Variants in AKAP6 observed in about 807,000 individuals in gnomAD.
The protein encoded by AKAP6 is A-kinase anchor protein 6.
A neutral mutation model predicts 188.5 loss-of-function variants in AKAP6; 58 were observed. That is an observed-to-expected ratio of 0.31 (90% CI 0.25 to 0.38). The LOEUF is 0.38. Among genes scored for constraint, AKAP6 ranks in the 10% least tolerant of loss-of-function variants. The probability of loss-of-function intolerance (pLI) is 1.00; values close to 1 mark genes in which losing one functional copy is unlikely to be tolerated. For synonymous variants in AKAP6, 989 were observed against 998.6 expected (o/e 0.99, Z 0.18); for missense variants, 2,710 against 2,740.0 (o/e 0.99, Z 0.24).
chr14:32,357,038 T>C (rs975794603), intron 1 of AKAP6, among the ~76,000 whole-genome samples: 1 of 152,210 alleles, frequency 6.6e-6, no homozygotes, highest in Non-Finnish European at 1.5e-5. Context: ...ATAAAATTCT[T>C]GAGGAAAAGG....
At chr14:32,339,646 T>C (rs1481273698) in intron 1 of AKAP6, among the ~76,000 whole-genome samples, 1 of 152,104 alleles carries the variant, frequency 6.6e-6, no homozygotes, top group Admixed American at 6.6e-5. Context: ...CTCAGATTGA[T>C]GGATTGGTGG....
At chr14:32,756,830 C>A (rs1383133034) in intron 11 of AKAP6, among the ~76,000 whole-genome samples, 3 of 152,114 alleles carry the variant, frequency 2.0e-5, no homozygotes, top group African/African-American at 7.2e-5. Flanking sequence ...GAGACTGGGA[C>A]AGTGGATAGC....
At chr14:32,433,333 A>T (rs1478122393) in intron 1 of AKAP6, 127 bp from the exon 2 acceptor site, 1 of 680,770 alleles carries the variant, frequency 1.5e-6, no homozygotes, top group Non-Finnish European at 2.4e-6. Flanking sequence ...TGTTTTTGTT[A>T]TGAGCTATGG....
At chr14:32,726,409 C>T (rs2030876481) in intron 9 of AKAP6, among the ~76,000 whole-genome samples, 1 of 152,186 alleles carries the variant, frequency 6.6e-6, no homozygotes, top group African/African-American at 2.4e-5. Flanking sequence ...CATTAGGTGT[C>T]AGGACATCAT....
intron 9 of AKAP6, among the ~76,000 whole-genome samples, chr14:32,722,913 C>T (rs909554760): frequency 6.6e-6 from 1 of 152,198 alleles, no homozygotes; most frequent in African/African-American, 2.4e-5. Context: ...TTAACACCAT[C>T]CATGGATGGC....
At chr14:32,787,400 C>G (rs1466968651) in intron 12 of AKAP6, among the ~76,000 whole-genome samples, 1 of 152,170 alleles carries the variant, frequency 6.6e-6, no homozygotes, top group African/African-American at 2.4e-5. Context: ...TGTACCTCGC[C>G]ATTGTAACTT....
intron 11 of AKAP6, among the ~76,000 whole-genome samples, chr14:32,762,321 T>A (rs1033357422): frequency 1.3e-5 from 2 of 152,158 alleles, no homozygotes; most frequent in African/African-American, 4.8e-5. Context: ...TAGAGTAACT[T>A]AATCTTCATA....
chr14:32,562,200 CT>C (rs1320236292), intron 4 of AKAP6, among the ~76,000 whole-genome samples: 1 of 151,796 alleles, frequency 6.6e-6, no homozygotes, highest in Non-Finnish European at 1.5e-5. Context: ...GTTGTATTTT[CT>C]TTTTTTAATG....
intron 7 of AKAP6, among the ~76,000 whole-genome samples, chr14:32,612,594 C>T (rs577470036): frequency 1.3e-5 from 2 of 152,126 alleles, no homozygotes; most frequent in East Asian, 1.9e-4. Context: ...TTTAGAAGAA[C>T]CATTTCACCT....
At position 32,836,975 on chromosome 14, in the gene AKAP6, G is replaced by A. The variant is rs943584927; in HGVS notation, c.*7170G>A. The A allele has an allele frequency of 6.6e-6, 1 of 152,188 alleles. No individual in the cohort carries two copies. Among genetic ancestry groups the A allele is most frequent in the Non-Finnish European group, 1.5e-5 (1 of 68,040 alleles). 9.4% of individuals were successfully genotyped at this position (152,188 alleles called of 1,614,324 possible). On this transcript the variant is annotated 3_prime_UTR_variant, in exon 14 of 14. Transcript: ENST00000280979. Reference sequence around the variant, plus strand: ...AATAGCCAGTCCTGATGACTTGGTCGAGGTAACTTGCTTTGCCCACTGTTA... The same window carrying A: ...AATAGCCAGTCCTGATGACTTGGTCAAGGTAACTTGCTTTGCCCACTGTTA...
chr14:32,522,686 A>G (rs536113003), intron 2 of AKAP6, among the ~76,000 whole-genome samples: 1 of 152,328 alleles, frequency 6.6e-6, no homozygotes, highest in African/African-American at 2.4e-5. Flanking sequence ...GAAGTCAGGA[A>G]ACAACAGGTG....
chr14:32,478,828 G>A lies in AKAP6; in HGVS notation c.324+45011G>A, dbSNP rs544412848. On this transcript the variant is annotated intron_variant, in intron 2 of 13. Transcript: ENST00000280979. ...GGTTAGTGTGAGATAGGAAATGGAA[G>A]AGAAGCATAAACAGGATCCCTTGGT... 2.6e-5 allele frequency among the ~76,000 whole-genome samples: 4 copies of A among 152,324 alleles called. No homozygotes were observed. In the East Asian group the frequency reaches 5.8e-4, roughly 22 times the overall value.
chr14:32,454,765 CTCCTTCCCTCCTTCCCTCCCTCCCTCCT>C (rs1566512424), intron 2 of AKAP6, among the ~76,000 whole-genome samples: 2 of 16,512 alleles, frequency 1.2e-4, no homozygotes, highest in Non-Finnish European at 2.0e-4. Flanking sequence ...CCCTCCCTCC[CTCCTTCCCTCCTTCCCTCCCTCCCTCCT>C]TCCCTCCCTC....
At chr14:32,436,724 C>T (rs1304279203) in intron 2 of AKAP6, among the ~76,000 whole-genome samples, 1 of 152,046 alleles carries the variant, frequency 6.6e-6, no homozygotes, top group Non-Finnish European at 1.5e-5. Flanking sequence ...ATTGCTTGAG[C>T]CCAGGAGTTT....
At position 32,821,586 on chromosome 14, in the gene AKAP6, A is replaced by G; in HGVS notation, c.3773A>G (p.Asp1258Gly). The change falls in exon 13 of 14, where the codon GAC becomes GGC. Residue 1258 changes from aspartate to glycine, a missense_variant. Transcript: ENST00000280979. ...AAGCTTGGAGAGACAAGTAATGAGG[A>G]CCCTGGTTATGACGAGGAGGCTGAT... ...SLKLGETSNE[D>G]PGYDEEADNH... The G allele has an allele frequency of 1.2e-6, 2 of 1,613,566 alleles. No homozygotes were observed.
At chr14:32,635,084 C>G (rs1313142322) in intron 7 of AKAP6, among the ~76,000 whole-genome samples, 1 of 151,892 alleles carries the variant, frequency 6.6e-6, no homozygotes, top group Non-Finnish European at 1.5e-5. Context: ...TCATTCCTAG[C>G]TAAATAAAGT....
At chr14:32,687,433 TCTCTCTCTTTCTC>T (rs1566647315) in intron 8 of AKAP6, among the ~76,000 whole-genome samples, 271 of 143,370 alleles carry the variant, frequency 1.9e-3, no homozygotes, top group African/African-American at 7.8e-3. Flanking sequence ...TCTCTCTCTC[TCTCTCTCTTTCTC>T]TCTTTCTCTT....
At chr14:32,718,313 G>A in intron 9 of AKAP6, 2 of 985,344 alleles carry the variant, frequency 2.0e-6, no homozygotes, top group Non-Finnish European at 2.4e-6. Flanking sequence ...GGCTGCAGCA[G>A]CAGCGTTTAA....
At chr14:32,630,182 A>C (rs1887209076) in intron 7 of AKAP6, among the ~76,000 whole-genome samples, 1 of 152,004 alleles carries the variant, frequency 6.6e-6, no homozygotes, top group Non-Finnish European at 1.5e-5. Flanking sequence ...TTAATTGAAG[A>C]TCTCATTTCA....
Sources: gnomAD v4.1 joint callset for allele counts (sites outside exome capture counted in the v4.1 genomes callset) on GRCh38, gnomAD v4.1.1 for gene constraint, MANE v1.5 for transcripts, NCBI Gene and HGNC (gene_info 2026-07-23, HGNC 2026-07-21) for gene names.